Variants in G3BP2 observed in about 807,000 individuals in gnomAD.
The protein encoded by G3BP2 is ras GTPase-activating protein-binding protein 2.
A neutral mutation model predicts 56.7 loss-of-function variants in G3BP2; 11 were observed. The ratio of observed to expected loss-of-function variants is 0.19; its 90% CI spans 0.12 to 0.32. The LOEUF (loss-of-function observed/expected upper bound fraction) is 0.32. Ranked by LOEUF, G3BP2 falls within the 10% of genes least tolerant of loss-of-function variation. The pLI is 1.00. For synonymous variants in G3BP2, 165 were observed against 191.6 expected (o/e 0.86, Z 1.15); for missense variants, 340 against 610.9 (o/e 0.56, Z 4.67).
intron 3 of G3BP2, among the ~76,000 whole-genome samples, chr4:75,694,429 C>T (rs905830503): frequency 6.6e-5 from 10 of 152,194 alleles, no homozygotes; most frequent in Non-Finnish European, 1.3e-4. Flanking sequence ...GTGAAACCCC[C>T]GTCTCTACTA....
intron 3 of G3BP2, among the ~76,000 whole-genome samples, chr4:75,711,754 A>C (rs1391039211): frequency 1.3e-5 from 2 of 152,000 alleles, no homozygotes; most frequent in Non-Finnish European, 2.9e-5. Flanking sequence ...GAAAGGAAGA[A>C]TGAAAGGGAA....
chr4:75,646,292 C>T, intron 11 of G3BP2, 46 bp downstream of exon 11: 1 of 856,296 alleles, frequency 1.2e-6, no homozygotes, highest in Non-Finnish European at 1.9e-6. Flanking sequence ...TTAATATATA[C>T]AACAGAAATA....
At chr4:75,723,558 G>T (rs1362135479) in intron 1 of G3BP2, among the ~76,000 whole-genome samples, 1 of 152,164 alleles carries the variant, frequency 6.6e-6, no homozygotes, top group African/African-American at 2.4e-5. Context: ...GACATGTGTG[G>T]GTGGAAAGCC....
intron 3 of G3BP2, among the ~76,000 whole-genome samples, chr4:75,697,296 AAAAAAG>A (rs1414339120): frequency 0.1 from 10,171 of 97,024 alleles, 1,593 homozygotes; most frequent in Non-Finnish European, 0.13. Flanking sequence ...AAAAAAAAAA[AAAAAAG>A]ATCATGAAAT....
intron 3 of G3BP2, among the ~76,000 whole-genome samples, chr4:75,706,392 A>G (rs1180147616): frequency 6.6e-6 from 1 of 152,180 alleles, no homozygotes. Flanking sequence ...GTATACTGTT[A>G]TGGATTCTGG....
chr4:75,707,193 A>C (rs1431146925), intron 3 of G3BP2, among the ~76,000 whole-genome samples: 1 of 142,980 alleles, frequency 7.0e-6, no homozygotes, highest in East Asian at 2.2e-4. Context: ...AAAAAAAAAA[A>C]CAGAAAACAC....
Position 75,663,465 on chromosome 4 carries a change from G to A in G3BP2, c.-24-1416C>T, listed in dbSNP as rs1048415511. On this transcript the variant is annotated intron_variant, in intron 1 of 11. Coordinates refer to ENST00000359707, the MANE Select transcript of G3BP2 (RefSeq NM_203505.3). ...TTTAATTTTTATTTTTAGCAGAGAC[G>A]AGGTCTGGCTACAATGCCCTGACTG... 3.9e-5 allele frequency among the ~76,000 whole-genome samples: 6 copies of A among 152,168 alleles called. No homozygotes were observed. In the South Asian group the frequency reaches 8.3e-4, roughly 21 times the overall value.
At chr4:75,715,059 G>A (rs145554265) in intron 3 of G3BP2, among the ~76,000 whole-genome samples, 197 of 152,314 alleles carry the variant, frequency 1.3e-3, no homozygotes, top group African/African-American at 4.5e-3. Context: ...GGCAACATCT[G>A]TCTAGGTTTG....
In G3BP2 at chr4:75,645,452, C is replaced by T. The variant is rs993645902; in HGVS notation, c.1427G>A (p.Arg476His). 2.5e-6 allele frequency: 4 copies of T among 1,613,834 alleles called. No individual in the cohort carries two copies. The highest frequency in any genetic ancestry group is 2.7e-5 in the African/African-American group (2 of 74,906). The change falls in exon 12 of 12, where the codon CGC (arginine) becomes CAC (histidine). Residue 476 changes from arginine to histidine, a missense_variant. Around this residue, in one of 4 missense-constraint regions of G3BP2, gnomAD observed 94 missense variants for 173.8 expected, o/e 0.54. Coordinates refer to ENST00000359707, the MANE Select transcript of G3BP2 (RefSeq NM_203505.3). ...SGRGTGQMEG[R>H]FTGQRR is the part of the protein sequence containing the mutation. ...GCTTCAGCGACGCTGTCCTGTGAAGCGGCCCTCCATTTGCCCGGTTCCTCT... is the reference window on the plus strand; with the variant it reads ...GCTTCAGCGACGCTGTCCTGTGAAGTGGCCCTCCATTTGCCCGGTTCCTCT...
At chr4:75,685,431 G>T (rs1718551343) in intron 3 of G3BP2, among the ~76,000 whole-genome samples, 1 of 150,990 alleles carries the variant, frequency 6.6e-6, no homozygotes, top group Admixed American at 6.6e-5. Flanking sequence ...AACCTGGGAG[G>T]TGGAGGTTGC....
In G3BP2 at chr4:75,646,322, C is replaced by A; in HGVS notation, c.1176+16G>T. 9.6e-7 allele frequency: 1 copy of A among 1,044,368 alleles called. No individual in the cohort carries two copies. The highest frequency in any genetic ancestry group is 1.5e-6 in the Non-Finnish European group (1 of 679,736). 64.7% of individuals were successfully genotyped at this position (1,044,368 alleles called of 1,614,324 possible). A position where few individuals can be genotyped will look rare whatever the true frequency, so the allele number is the denominator to read the frequency against. ...GAAATAATAAAGTCTTGAATTATGC[C>A]CTTTAAATCACTTACTTTTGCAATT... On this transcript the variant is annotated intron_variant, in intron 11 of 11. Transcript: ENST00000359707.
In G3BP2 at chr4:75,673,392, T is replaced by A; in HGVS notation, c.-209A>T. Reference sequence around the variant, plus strand: ...TTCCCGGGCGCCAGGCGCTGCGACGTGCGACAAGGACCACGGACGTCCCGC... The same window carrying A: ...TTCCCGGGCGCCAGGCGCTGCGACGAGCGACAAGGACCACGGACGTCCCGC... On this transcript the variant is annotated 5_prime_UTR_variant, in exon 1 of 12. Coordinates refer to ENST00000359707, the MANE Select transcript of G3BP2 (RefSeq NM_203505.3). 8.1e-7 allele frequency: 1 copy of A among 1,232,204 alleles called. No homozygotes were observed. Among genetic ancestry groups the A allele is most frequent in the Non-Finnish European group, 1.0e-6 (1 of 987,992 alleles). The allele number at this position is 1,232,204 out of a possible 1,614,324, so 76.3% of individuals were successfully genotyped here.
At chr4:75,694,752 A>ACAAT (rs1719033272) in intron 3 of G3BP2, 1 of 986,832 alleles carries the variant, frequency 1.0e-6, no homozygotes, top group African/African-American at 1.7e-5. Context: ...AAACAAACAA[A>ACAAT]CAAACAAACA....
At position 75,673,347 on chromosome 4, in the gene G3BP2, G is replaced by C. The variant is rs368923905; in HGVS notation, c.-164C>G. 2.6e-5 allele frequency: 32 copies of C among 1,231,238 alleles called. No individual in the cohort carries two copies. In the East Asian group the frequency reaches 8.2e-4, roughly 32 times the overall value. The allele number at this position is 1,231,238 out of a possible 1,614,324, so 76.3% of individuals were successfully genotyped here. A position where few individuals can be genotyped will look rare whatever the true frequency, so the allele number is the denominator to read the frequency against. On this transcript the variant is annotated 5_prime_UTR_variant, in exon 1 of 12. Coordinates refer to ENST00000359707, the MANE Select transcript of G3BP2 (RefSeq NM_203505.3). ...TCGGAAGCCGGAGAGCCGCGAGTTCGTCTGCCTCACAACCACCTCTTCCCG... is the reference window on the plus strand; with the variant it reads ...TCGGAAGCCGGAGAGCCGCGAGTTCCTCTGCCTCACAACCACCTCTTCCCG...
At chr4:75,663,488 C>A (rs562274692) in intron 1 of G3BP2, among the ~76,000 whole-genome samples, 3 of 152,294 alleles carry the variant, frequency 2.0e-5, no homozygotes. Context: ...AATGCCCTGA[C>A]TGGTCTCGAA....
upstream of G3BP2, chr4:75,673,659 G>A (rs796772846): frequency 1.2e-5 from 15 of 1,224,712 alleles, no homozygotes; most frequent in African/African-American, 1.6e-4. Context: ...CAAGCAGGCT[G>A]CCTTTCTCCG....
upstream of G3BP2, among the ~76,000 whole-genome samples, chr4:75,674,727 T>A (rs368713156): frequency 0.22 from 19,601 of 90,492 alleles, 2,869 homozygotes; most frequent in East Asian, 0.37. Flanking sequence ...TATTTTTTTT[T>A]TTTTTTTTTT....
Position 75,673,291 on chromosome 4 carries a change from G to A in G3BP2, c.-108C>T. On this transcript the variant is annotated 5_prime_UTR_variant, in exon 1 of 12. Transcript: ENST00000359707. ...CGGGTGCGGCGGGTTCTTATTGCTC[G>A]CCGCCCCCTTCCTCCGACAACTCGG... 1.6e-6 allele frequency: 2 copies of A among 1,227,214 alleles called. No homozygotes were observed. The highest frequency in any genetic ancestry group is 3.2e-5 in the East Asian group (1 of 31,436). 76.0% of individuals were successfully genotyped at this position (1,227,214 alleles called of 1,614,324 possible). A position where few individuals can be genotyped will look rare whatever the true frequency, so the allele number is the denominator to read the frequency against.
At chr4:75,663,865 T>A in intron 1 of G3BP2, among the ~76,000 whole-genome samples, 2 of 2,748 alleles carry the variant, frequency 7.3e-4, no homozygotes, top group African/African-American at 1.2e-3. Context: ...CTCAAAAAAA[T>A]AAAAAATAAA....
Sources: gnomAD v4.1 joint callset for allele counts (sites outside exome capture counted in the v4.1 genomes callset) on GRCh38, gnomAD v4.1.1 for gene constraint, gnomAD v4.1.1 regional missense constraint, MANE v1.5 for transcripts, NCBI Gene and HGNC (gene_info 2026-07-23, HGNC 2026-07-21) for gene names.